HVCN1: variants seen among roughly 807,000 people sequenced by gnomAD.
HVCN1 encodes the protein voltage-gated hydrogen channel 1.
A neutral mutation model predicts 29.2 loss-of-function variants in HVCN1; 14 were observed. That is an observed-to-expected ratio of 0.48 (90% CI 0.32 to 0.75). The LOEUF is 0.75. HVCN1 is among the 30% of genes least tolerant of loss of function. The pLI is 0.04. For synonymous variants in HVCN1, 131 were observed against 133.2 expected, an observed-to-expected ratio of 0.98 and a Z score of 0.11; for missense variants, 263 against 341.8, an observed-to-expected ratio of 0.77 and a Z score of 1.82.
At chr12:110,687,267 C>CG (rs964406680) in intron 2 of HVCN1, among the ~76,000 whole-genome samples, 11 of 150,528 alleles carry the variant, frequency 7.3e-5, no homozygotes, top group South Asian at 4.2e-4. Context: ...ACCCCCCCCC[C>CG]CCAGCTAAGC....
chr12:110,651,174 G>T, intron 6 of HVCN1, 43 bp downstream of exon 6: 2 of 1,433,620 alleles, frequency 1.4e-6, no homozygotes, highest in Non-Finnish European at 2.0e-6. Flanking sequence ...GTATGCCTGG[G>T]CCCCTACTCT....
upstream of HVCN1, among the ~76,000 whole-genome samples, chr12:110,694,654 C>G (rs1330849408): frequency 1.3e-5 from 2 of 152,188 alleles, no homozygotes; most frequent in Admixed American, 1.3e-4. The surrounding 1 kb of genome is among the most constrained non-coding windows in gnomAD (Gnocchi z 4.6). Flanking sequence ...GGTGGGGGTT[C>G]TGCTGGGATT....
chr12:110,660,730 T>C (rs1189184530), intron 4 of HVCN1, among the ~76,000 whole-genome samples: 3 of 152,204 alleles, frequency 2.0e-5, no homozygotes, highest in Non-Finnish European at 4.4e-5. Context: ...GCCAATCTGC[T>C]TCCTGTCTCT....
chr12:110,682,978 C>CA (rs1417019572), intron 3 of HVCN1: 136 of 346,320 alleles, frequency 3.9e-4, no homozygotes, highest in African/African-American at 1.2e-3. Context: ...AAAAAAAAAA[C>CA]AAAAAAAACC....
chr12:110,649,092 G>C lies in HVCN1; in HGVS notation c.*318C>G. ...AATATACACGTGAAATTTGAAAACT[G>C]TACATTCGGTGAGATTAAATTTTAT... On this transcript the variant is annotated 3_prime_UTR_variant, in exon 8 of 8. Transcript: ENST00000242607. 1 of 611,644 alleles carries C rather than the reference G, an allele frequency of 1.6e-6. No homozygotes were observed. Among genetic ancestry groups the C allele is most frequent in the South Asian group, 1.5e-5 (1 of 64,930 alleles). The allele number at this position is 611,644 out of a possible 1,614,324, so 37.9% of individuals were successfully genotyped here.
At chr12:110,659,957 T>C (rs559089119) in intron 4 of HVCN1, among the ~76,000 whole-genome samples, 85 of 151,688 alleles carry the variant, frequency 5.6e-4, no homozygotes, top group African/African-American at 2.0e-3. Flanking sequence ...TCCCAACTAC[T>C]TGGGAGGCTG....
chr12:110,683,186 G>C, intron 3 of HVCN1, 39 bp downstream of exon 3: 1 of 1,613,634 alleles, frequency 6.2e-7, no homozygotes, highest in Non-Finnish European at 8.5e-7. Flanking sequence ...CTCAAGGCTG[G>C]GATATCCTCT....
upstream of HVCN1, among the ~76,000 whole-genome samples, chr12:110,690,013 C>T (rs1472989567): frequency 6.6e-6 from 1 of 152,324 alleles, no homozygotes; most frequent in African/African-American, 2.4e-5. Context: ...GTTAACAGAT[C>T]ACCACAAACC....
At position 110,661,510 on chromosome 12, in the gene HVCN1, C is replaced by G; in HGVS notation, c.22-62G>C. ...GTTGGCCACTCAGAGCCCACATGGC[C>G]CAGGCCGGGCCAGGCCACTGCAGGT... On this transcript the variant is annotated intron_variant, in intron 3 of 7. Transcript: ENST00000242607. The surrounding 1 kb of genome is among the most constrained non-coding windows in gnomAD (Gnocchi z 6.2). The G allele has an allele frequency of 1.3e-6, 2 of 1,507,660 alleles. No individual in the cohort carries two copies. The highest frequency in any genetic ancestry group is 1.8e-6 in the Non-Finnish European group (2 of 1,105,840). The allele number at this position is 1,507,660 out of a possible 1,614,324, so 93.4% of individuals were successfully genotyped here. A position where few individuals can be genotyped will look rare whatever the true frequency, so the allele number is the denominator to read the frequency against.
chr12:110,701,986 C>T (rs2069569611), intron 2 of HVCN1, among the ~76,000 whole-genome samples: 1 of 150,426 alleles, frequency 6.6e-6, no homozygotes, highest in Admixed American at 6.7e-5. Context: ...ACTCTTGTTG[C>T]CCAGGCTGGA....
At chr12:110,672,426 C>A (rs916318711) in intron 3 of HVCN1, among the ~76,000 whole-genome samples, 1 of 152,232 alleles carries the variant, frequency 6.6e-6, no homozygotes, top group African/African-American at 2.4e-5. Context: ...AAGACCCACA[C>A]CACAGAGCAC....
At chr12:110,673,198 G>A (rs538979086) in intron 3 of HVCN1, among the ~76,000 whole-genome samples, 20 of 152,178 alleles carry the variant, frequency 1.3e-4, no homozygotes, top group Non-Finnish European at 2.6e-4. Flanking sequence ...TGGAGATGAG[G>A]AACTTTTTGG....
intron 3 of HVCN1, among the ~76,000 whole-genome samples, chr12:110,679,787 A>T (rs1436974164): frequency 3.3e-5 from 5 of 151,038 alleles, no homozygotes; most frequent in Admixed American, 6.6e-5. Context: ...CGGGAAGCGG[A>T]GCTTGCAGTG....
At chr12:110,698,690 G>A (rs1356079583) in intron 2 of HVCN1, among the ~76,000 whole-genome samples, 2 of 152,194 alleles carry the variant, frequency 1.3e-5, no homozygotes, top group Non-Finnish European at 2.9e-5. Context: ...TCCTCCTCCT[G>A]CGTCTCCTTC....
intron 3 of HVCN1, among the ~76,000 whole-genome samples, chr12:110,667,643 G>C (rs2068418270): frequency 6.6e-6 from 1 of 151,924 alleles, no homozygotes; most frequent in South Asian, 2.1e-4. Context: ...TGTTGCCCAG[G>C]CTGGTCTCAA....
Position 110,663,767 on chromosome 12 carries a change from G to T in HVCN1, c.22-2319C>A, listed in dbSNP as rs550703221. Among the ~76,000 whole-genome samples the T allele has an allele frequency of 6.2e-4, 95 of 152,176 alleles. 1 individual carries two copies. The highest frequency in any genetic ancestry group is 2.2e-3 in the African/African-American group (92 of 41,504). On this transcript the variant is annotated intron_variant, in intron 3 of 7. Transcript: ENST00000242607. ...CCATGTGTACCCACTCGGCAGCACT[G>T]AATACAGTAGAACAATCACTTCTTT...
At chr12:110,666,254 T>A (rs987815106) in intron 3 of HVCN1, among the ~76,000 whole-genome samples, 4 of 148,568 alleles carry the variant, frequency 2.7e-5, no homozygotes, top group African/African-American at 9.9e-5. Context: ...CCATCTCTAC[T>A]AAAAAAAAAT....
rs767125946 is a variant in HVCN1, at chr12:110,676,516, G to C, written c.21+6709C>G. Among the ~76,000 whole-genome samples, 2 of 152,208 alleles carry C rather than the reference G, an allele frequency of 1.3e-5. No individual in the cohort carries two copies. Among genetic ancestry groups the C allele is most frequent in the Admixed American group, 6.5e-5 (1 of 15,288 alleles). ...TGCTTGTGGAAACAGCATGGTTTATGCTGAACTCCTACTTTCATTTGGAGA... is the reference window on the plus strand; with the variant it reads ...TGCTTGTGGAAACAGCATGGTTTATCCTGAACTCCTACTTTCATTTGGAGA... On this transcript the variant is annotated intron_variant, in intron 3 of 7. Transcript: ENST00000242607. The surrounding 1 kb of genome is among the most constrained non-coding windows in gnomAD (Gnocchi z 4.1).
In HVCN1 at chr12:110,658,880, T is replaced by A. The variant is rs965990278; in HGVS notation, c.306+2284A>T. Among the ~76,000 whole-genome samples, 2 of 152,236 alleles carry A rather than the reference T, an allele frequency of 1.3e-5. No individual in the cohort carries two copies. The highest frequency in any genetic ancestry group is 1.5e-5 in the Non-Finnish European group (1 of 68,042). ...ACTCACTTTATGACAGGCATTCGTC[T>A]TTTTCCCCAGCAGGAGTATCTGGGT... On this transcript the variant is annotated intron_variant, in intron 4 of 7. Coordinates refer to ENST00000242607, the MANE Select transcript of HVCN1 (RefSeq NM_032369.4). The surrounding 1 kb of genome is among the most constrained non-coding windows in gnomAD (Gnocchi z 5.0).
Sources: allele counts gnomAD v4.1 joint callset (sites outside exome capture counted in the v4.1 genomes callset), GRCh38; gene constraint gnomAD v4.1.1; non-coding constraint Gnocchi (gnomAD v3.1); transcripts MANE v1.5; gene names NCBI Gene and HGNC (gene_info 2026-07-23, HGNC 2026-07-21).